Variants in CSMD1 observed in about 807,000 individuals in gnomAD.
CSMD1 encodes CUB and sushi domain-containing protein 1.
In CSMD1, 213 loss-of-function variants were observed where a neutral mutation model predicts 417.5. That is an observed-to-expected ratio of 0.51 (90% CI 0.46 to 0.57). CSMD1 has a LOEUF of 0.57. Ranked by LOEUF, CSMD1 falls within the 20% of genes least tolerant of loss-of-function variation. The probability of loss-of-function intolerance (pLI) is 0.00; values close to 1 mark genes in which losing one functional copy is unlikely to be tolerated. For missense variants in CSMD1, 6,923 were observed against 4,529.7 expected (o/e 1.53, Z -15.17); for synonymous variants, 2,862 against 1,736.8 (o/e 1.65, Z -16.11).
chr8:3,863,102 T>C (rs1804830922), intron 5 of CSMD1, among the ~76,000 whole-genome samples: 1 of 152,086 alleles, frequency 6.6e-6, no homozygotes, highest in Non-Finnish European at 1.5e-5. Flanking sequence ...CTCAAGCTTT[T>C]TTAAAGGTGC....
rs1798341918 is a variant in CSMD1, at chr8:3,539,326, C to T, written c.1344+35619G>A. Among the ~76,000 whole-genome samples, 2 of 152,316 alleles carry T rather than the reference C, an allele frequency of 1.3e-5. 1 individual carries two copies. Among genetic ancestry groups the T allele is most frequent in the South Asian group, 4.1e-4 (2 of 4,824 alleles). On this transcript the variant is annotated intron_variant, in intron 10 of 69. Transcript: ENST00000635120. ...CCTCCCACCCCCAAGCCAATCCCAG[C>T]TCTTTCTCTACTCCTGGTTTTGCCT...
intron 2 of CSMD1, among the ~76,000 whole-genome samples, chr8:4,425,848 C>T (rs910510554): frequency 6.6e-6 from 1 of 151,982 alleles, no homozygotes; most frequent in East Asian, 1.9e-4. Flanking sequence ...TTAGTATATG[C>T]AACGTTACTG....
At chr8:4,038,074 G>A (rs143292483) in intron 3 of CSMD1, among the ~76,000 whole-genome samples, 1 of 152,044 alleles carries the variant, frequency 6.6e-6, no homozygotes, top group African/African-American at 2.4e-5. Flanking sequence ...AAGTTTGGAA[G>A]TAAAATAACT....
chr8:4,657,014 C>A (rs75103576), intron 1 of CSMD1, among the ~76,000 whole-genome samples: 3 of 152,032 alleles, frequency 2.0e-5, no homozygotes, highest in Admixed American at 6.6e-5. Flanking sequence ...CCGTAGGGCA[C>A]GCAAAGCCAC....
At chr8:3,618,623 G>C (rs1282321174) in intron 7 of CSMD1, among the ~76,000 whole-genome samples, 1 of 152,070 alleles carries the variant, frequency 6.6e-6, no homozygotes. Flanking sequence ...TAGTGAGACA[G>C]AAAGCTCCAG....
intron 3 of CSMD1, among the ~76,000 whole-genome samples, chr8:4,270,070 G>T (rs983263373): frequency 1.3e-5 from 2 of 152,184 alleles, no homozygotes; most frequent in Non-Finnish European, 2.9e-5. Context: ...AAAAGCTTCT[G>T]AGGAGAGAAA....
At chr8:3,168,132 C>A (rs1378079513) in intron 37 of CSMD1, among the ~76,000 whole-genome samples, 2 of 151,644 alleles carry the variant, frequency 1.3e-5, no homozygotes, top group Admixed American at 6.6e-5. Context: ...GGAAGCAGAC[C>A]CATGTGAAGA....
At chr8:4,418,036 G>A (rs915843314) in intron 3 of CSMD1, among the ~76,000 whole-genome samples, 2 of 151,740 alleles carry the variant, frequency 1.3e-5, no homozygotes, top group Admixed American at 1.3e-4. Flanking sequence ...ATTTTTGCAG[G>A]AGACCTGGAA....
chr8:4,062,236 T>C (rs1242205442), intron 3 of CSMD1, among the ~76,000 whole-genome samples: 2 of 152,098 alleles, frequency 1.3e-5, no homozygotes, highest in African/African-American at 2.4e-5. Context: ...ACAAGTCTAA[T>C]TTCCTCAGAG....
intron 46 of CSMD1, among the ~76,000 whole-genome samples, chr8:3,103,591 T>C (rs1008836351): frequency 2.0e-5 from 3 of 150,888 alleles, no homozygotes; most frequent in Admixed American, 6.6e-5. Flanking sequence ...TTCATTATAA[T>C]CTTACAGGAC....
intron 3 of CSMD1, among the ~76,000 whole-genome samples, chr8:4,245,383 C>T (rs759816106): frequency 2.0e-5 from 3 of 152,166 alleles, no homozygotes; most frequent in Non-Finnish European, 4.4e-5. Flanking sequence ...CCTGCCTTTT[C>T]TGACAGCCTG....
chr8:3,448,426 A>AGGAAGGAGGGGAGGGAG (rs532643101), intron 12 of CSMD1, among the ~76,000 whole-genome samples: 1 of 96,090 alleles, frequency 1.0e-5, no homozygotes, highest in Non-Finnish European at 2.0e-5. Context: ...AAGGGAAGGA[A>AGGAAGGAGGGGAGGGAG]GAAGGAGCAA....
chr8:3,933,420 A>T (rs1810286629), intron 5 of CSMD1, among the ~76,000 whole-genome samples: 1 of 152,178 alleles, frequency 6.6e-6, no homozygotes, highest in Non-Finnish European at 1.5e-5. Flanking sequence ...TGTATGTATG[A>T]CAGATAAAAC....
chr8:3,966,369 C>T (rs1812677797), intron 5 of CSMD1, among the ~76,000 whole-genome samples: 1 of 152,106 alleles, frequency 6.6e-6, no homozygotes, highest in African/African-American at 2.4e-5. Flanking sequence ...TATAAACATC[C>T]AAGTCTTGCG....
At chr8:3,426,751 A>G (rs1194377496) in intron 12 of CSMD1, among the ~76,000 whole-genome samples, 1 of 152,238 alleles carries the variant, frequency 6.6e-6, no homozygotes, top group African/African-American at 2.4e-5. Flanking sequence ...TAGGCCTGAC[A>G]TAAACTAATT....
intron 12 of CSMD1, among the ~76,000 whole-genome samples, chr8:3,447,719 G>T (rs1373282259): frequency 2.0e-5 from 3 of 152,204 alleles, no homozygotes; most frequent in Non-Finnish European, 2.9e-5. Flanking sequence ...CAGCCCTGTT[G>T]CAGGGATGGA....
intron 5 of CSMD1, among the ~76,000 whole-genome samples, chr8:3,833,060 G>A (rs763945058): frequency 6.6e-6 from 1 of 152,108 alleles, no homozygotes; most frequent in African/African-American, 2.4e-5. Context: ...TTTCATGGCA[G>A]CTGTTTGAAT....
chr8:2,979,952 C>T (rs562279182), intron 54 of CSMD1, among the ~76,000 whole-genome samples: 2 of 152,312 alleles, frequency 1.3e-5, no homozygotes, highest in South Asian at 2.1e-4. Context: ...GCAGGAATTA[C>T]CTAATGTGAG....
At chr8:3,527,094 A>G (rs1797784624) in intron 10 of CSMD1, among the ~76,000 whole-genome samples, 1 of 152,042 alleles carries the variant, frequency 6.6e-6, no homozygotes, top group South Asian at 2.1e-4. Flanking sequence ...AGAAAATGCC[A>G]GAAGGAGCCC....
Sources: allele counts gnomAD v4.1 joint callset (sites outside exome capture counted in the v4.1 genomes callset), GRCh38; gene constraint gnomAD v4.1.1; transcripts MANE v1.5; gene names NCBI Gene and HGNC (gene_info 2026-07-23, HGNC 2026-07-21).